The following TBL3 variants were observed in gnomAD, a reference collection of about 807,000 sequenced individuals.
TBL3 encodes the protein transducin beta like 3.
TBL3 carries 71 observed loss-of-function variants against 102.7 expected under a neutral mutation model. The ratio of observed to expected loss-of-function variants is 0.69; its 90% CI spans 0.57 to 0.84. The LOEUF (loss-of-function observed/expected upper bound fraction) is 0.84, where lower values mean the gene tolerates loss of function less well. TBL3 is among the 40% of genes least tolerant of loss of function. TBL3 has a pLI of 0.00. For synonymous variants in TBL3, 578 were observed against 477.7 expected (o/e 1.21, Z -2.74); for missense variants, 1,188 against 1,098.5 (o/e 1.08, Z -1.15).
chr16:1,975,921 A>C lies in TBL3; in HGVS notation c.1101A>C (p.Ser367=). The change falls in exon 11 of 22, where the codon TCA becomes TCC. Residue 367 remains serine, a synonymous_variant. Transcript: ENST00000568546. ...TAAAAGTGTTTGAGCTGCAGACGTC[A>C]GCCTGCCAGATCCTCCACGGCCACA... is the stretch of plus-strand genomic sequence containing the variant. ...PCLKVFELQT[S]ACQILHGHTD... 6.2e-7 allele frequency: 1 copy of C among 1,614,110 alleles called. No homozygotes were observed. The highest frequency in any genetic ancestry group is 8.5e-7 in the Non-Finnish European group (1 of 1,180,014).
At position 1,974,036 on chromosome 16, in the gene TBL3, G is replaced by T; in HGVS notation, c.42-20G>T. The T allele has an allele frequency of 1.3e-6, 2 of 1,533,016 alleles. No individual in the cohort carries two copies. Among genetic ancestry groups the T allele is most frequent in the Admixed American group, 1.9e-5 (1 of 51,478 alleles). The allele number at this position is 1,533,016 out of a possible 1,614,324, so 95.0% of individuals were successfully genotyped here. A position where few individuals can be genotyped will look rare whatever the true frequency, so the allele number is the denominator to read the frequency against. ...CTGAGGGGGTGGGTGGTGCTCATTC[G>T]CCTCCCGCTCTCCTTCCAGCTATGC... On this transcript the variant is annotated intron_variant, in intron 1 of 21. Transcript: ENST00000568546.
Position 1,972,268 on chromosome 16 carries a change from G to A in TBL3, c.41+63G>A, listed in dbSNP as rs2083366318. 4 of 1,295,638 alleles carry A rather than the reference G, an allele frequency of 3.1e-6. No individual in the cohort carries two copies. In the East Asian group the frequency reaches 1.3e-4, roughly 41 times the overall value. 80.3% of individuals were successfully genotyped at this position (1,295,638 alleles called of 1,614,324 possible). On this transcript the variant is annotated intron_variant, in intron 1 of 21. Coordinates refer to ENST00000568546, the MANE Select transcript of TBL3 (RefSeq NM_006453.3). The stretch of plus-strand genomic sequence containing the variant: ...TGGGTTTGCAGCCGGCATAGCGGAG[G>A]CGCGCGTGGGGTGGGCACGCATTGG...
intron 12 of TBL3, 28 bp downstream of exon 12, chr16:1,976,142 G>A: frequency 6.2e-7 from 1 of 1,614,038 alleles, no homozygotes; most frequent in Non-Finnish European, 8.5e-7. Flanking sequence ...GTAGGGGCAG[G>A]GGCACCAGGC....
At position 1,980,304 on chromosome 16, in the gene TBL3, A is replaced by C; in HGVS notation, c.*1619A>C. ...CCCTATTCGCTGGCTGTTCCCCCCC[A>C]CCCTGGACCTCTCCCAGCTCCAAAC... On this transcript the variant is annotated 3_prime_UTR_variant, in exon 22 of 22. Coordinates refer to ENST00000568546, the MANE Select transcript of TBL3 (RefSeq NM_006453.3). 1.9e-6 allele frequency: 3 copies of C among 1,545,984 alleles called. No individual in the cohort carries two copies. The highest frequency in any genetic ancestry group is 2.6e-6 in the Non-Finnish European group (3 of 1,149,136).
chr16:1,979,918 C>T lies in TBL3; in HGVS notation c.*1233C>T, dbSNP rs1041878446. On this transcript the variant is annotated 3_prime_UTR_variant, in exon 22 of 22. Coordinates refer to ENST00000568546, the MANE Select transcript of TBL3 (RefSeq NM_006453.3). ...CAGCCACCAGCCTGTGCGCAAGAAG[C>T]GGGCAGGGACTCAAATCTCGAGGCT... is the stretch of plus-strand genomic sequence containing the variant. The T allele has an allele frequency of 1.3e-6, 2 of 1,576,804 alleles. No homozygotes were observed. The highest frequency in any genetic ancestry group is 1.7e-6 in the Non-Finnish European group (2 of 1,161,750).
chr16:1,976,955 T>C lies in TBL3; in HGVS notation c.1434T>C (p.His478=). 6.2e-7 allele frequency: 1 copy of C among 1,613,844 alleles called. No homozygotes were observed. Among genetic ancestry groups the C allele is most frequent in the Non-Finnish European group, 8.5e-7 (1 of 1,180,002 alleles). Residue 478 remains histidine, a synonymous_variant, in exon 14 of 22, where the codon CAT becomes CAC. Coordinates refer to ENST00000568546, the MANE Select transcript of TBL3 (RefSeq NM_006453.3). ...AGGCCCAGACCACTCAGCGCTGCCA[T>C]GATAAGGTGACTCCATAGCCACTGG... ...LLQAQTTQRC[H]DKDINSVAIA... is the part of the protein sequence containing the mutation.
chr16:1,978,920 T>A lies in TBL3; in HGVS notation c.*235T>A. The A allele has an allele frequency of 8.9e-7, 1 of 1,120,562 alleles. No homozygotes were observed. Among genetic ancestry groups the A allele is most frequent in the Non-Finnish European group, 1.3e-6 (1 of 796,340 alleles). The allele number at this position is 1,120,562 out of a possible 1,614,324, so 69.4% of individuals were successfully genotyped here. ...CCGCACGCTTAGACGGTGGGGGTCATGCAGAACAAGCTTTACTCAGAGGAA... is the reference window on the plus strand; with the variant it reads ...CCGCACGCTTAGACGGTGGGGGTCAAGCAGAACAAGCTTTACTCAGAGGAA... On this transcript the variant is annotated 3_prime_UTR_variant, in exon 22 of 22. Coordinates refer to ENST00000568546, the MANE Select transcript of TBL3 (RefSeq NM_006453.3).
chr16:1,978,702 C>G lies in TBL3; in HGVS notation c.*17C>G, dbSNP rs1422929935. The G allele has an allele frequency of 6.2e-7, 1 of 1,601,258 alleles. No homozygotes were observed. Among genetic ancestry groups the G allele is most frequent in the Non-Finnish European group, 8.5e-7 (1 of 1,171,050 alleles). The stretch of plus-strand genomic sequence containing the variant: ...CTGCCCTAGCCGGTCCGGCCTCTCT[C>G]CAGTCCATCCTGAACCCCTGGAAAA... On this transcript the variant is annotated 3_prime_UTR_variant, in exon 22 of 22. Transcript: ENST00000568546.
chr16:1,981,973 C>G lies in TBL3; in HGVS notation c.*3288C>G, dbSNP rs1297438000. 1.3e-5 allele frequency: 2 copies of G among 152,120 alleles called. No individual in the cohort carries two copies. The highest frequency in any genetic ancestry group is 6.5e-5 in the Admixed American group (1 of 15,282). 9.4% of individuals were successfully genotyped at this position (152,120 alleles called of 1,614,324 possible). A position where few individuals can be genotyped will look rare whatever the true frequency, so the allele number is the denominator to read the frequency against. On this transcript the variant is annotated 3_prime_UTR_variant, in exon 22 of 22. Transcript: ENST00000568546. ...ACTAGGGCTGTTTTGAGAACCACCT[C>G]TCAATTCACGATTTGCCATGACTTA...
chr16:1,980,675 G>A lies in TBL3; in HGVS notation c.*1990G>A. 2 of 1,607,162 alleles carry A rather than the reference G, an allele frequency of 1.2e-6. No individual in the cohort carries two copies. The highest frequency in any genetic ancestry group is 1.7e-6 in the Non-Finnish European group (2 of 1,177,172). On this transcript the variant is annotated 3_prime_UTR_variant, in exon 22 of 22. Coordinates refer to ENST00000568546, the MANE Select transcript of TBL3 (RefSeq NM_006453.3). Reference sequence around the variant, plus strand: ...CCTGACCGAGAAGCTTTGGGAGAACGCGGTCAGATCTCCGCAGCAGGCCCG... The same window carrying A: ...CCTGACCGAGAAGCTTTGGGAGAACACGGTCAGATCTCCGCAGCAGGCCCG...
intron 4 of TBL3, 30 bp downstream of exon 4, chr16:1,974,453 G>C: frequency 6.3e-7 from 1 of 1,594,072 alleles, no homozygotes; most frequent in Non-Finnish European, 8.5e-7. Flanking sequence ...GAGGGGACCC[G>C]CTCCAGCGCC....
chr16:1,974,473 G>T (rs2083383320), intron 4 of TBL3, 50 bp downstream of exon 4: 1 of 1,589,334 alleles, frequency 6.3e-7, no homozygotes, highest in Non-Finnish European at 8.6e-7. Context: ...CTCCCTCCCA[G>T]ACTGAGTCCA....
chr16:1,979,687 C>G lies in TBL3; in HGVS notation c.*1002C>G. 1 of 1,192,560 alleles carries G rather than the reference C, an allele frequency of 8.4e-7. No homozygotes were observed. The highest frequency in any genetic ancestry group is 1.2e-6 in the Non-Finnish European group (1 of 860,692). 73.9% of individuals were successfully genotyped at this position (1,192,560 alleles called of 1,614,324 possible). On this transcript the variant is annotated 3_prime_UTR_variant, in exon 22 of 22. Transcript: ENST00000568546. ...CGGGGCTTCCTCTAGGTGCGGAGAC[C>G]AAGCACGGGCTCCTGGCCCGCCCTG...
Position 1,979,291 on chromosome 16 carries a change from C to G in TBL3, c.*606C>G, listed in dbSNP as rs761905522. The stretch of plus-strand genomic sequence containing the variant: ...CGGAACCCCGTCCCGCTCAGGAGAG[C>G]GCCCAGCCCTTCCGGCCGCAGCAGC... On this transcript the variant is annotated 3_prime_UTR_variant, in exon 22 of 22. Coordinates refer to ENST00000568546, the MANE Select transcript of TBL3 (RefSeq NM_006453.3). 1 of 1,560,744 alleles carries G rather than the reference C, an allele frequency of 6.4e-7. No individual in the cohort carries two copies.
rs574487347 is a variant in TBL3, at chr16:1,977,614, C to A, written c.1843C>A (p.Arg615=). 3.9e-6 allele frequency: 6 copies of A among 1,558,304 alleles called. No individual in the cohort carries two copies. The African/African-American group carries it at 6.8e-5, about 18-fold the overall frequency. ...EDKVWGLHCS[R]LDDHALTGAS... Reference sequence around the variant, plus strand: ...CAAGGTCTGGGGGCTGCACTGCAGCCGGCTGGACGACCACGCCCTCACTGG... The same window carrying A: ...CAAGGTCTGGGGGCTGCACTGCAGCAGGCTGGACGACCACGCCCTCACTGG... The change falls in exon 17 of 22, where the codon CGG becomes AGG. Residue 615 remains arginine (R), a synonymous_variant. Transcript: ENST00000568546.
Position 1,975,202 on chromosome 16 carries a change from G to A in TBL3, c.651G>A (p.Lys217=). The A allele has an allele frequency of 6.2e-7, 1 of 1,613,918 alleles. No individual in the cohort carries two copies. The highest frequency in any genetic ancestry group is 8.5e-7 in the Non-Finnish European group (1 of 1,180,026). ...GCTCCTTCAGCTCCGGCCGTGACAA[G>A]ATATGTATCATCTGGGACCTTCAGA... ...GHTMLSSGRD[K]ICIIWDLQSC... is the part of the protein sequence containing the mutation. The change falls in exon 8 of 22, where the codon AAG becomes AAA. Residue 217 remains lysine, a synonymous_variant. Coordinates refer to ENST00000568546, the MANE Select transcript of TBL3 (RefSeq NM_006453.3).
chr16:1,979,888 TCCACCAG>T lies in TBL3; in HGVS notation c.*1213_*1219del. 1 of 1,583,190 alleles carries T rather than the reference TCCACCAG, an allele frequency of 6.3e-7. No individual in the cohort carries two copies. Among genetic ancestry groups the T allele is most frequent in the Non-Finnish European group, 8.6e-7 (1 of 1,165,790 alleles). On this transcript the variant is annotated 3_prime_UTR_variant, in exon 22 of 22. Transcript: ENST00000568546. ...CCAGGCGGTCTGCCGGTCTTCGTTC[TCCACCAG>T]CCACCAGCCTGTGCGCAAGAAGCGG...
Position 1,980,531 on chromosome 16 carries a change from C to T in TBL3, c.*1846C>T. ...CGCGGCTCGTGCGCCCCACGCGTCC[C>T]AACAGTGGTGCATCTTAAGGCACCA... On this transcript the variant is annotated 3_prime_UTR_variant, in exon 22 of 22. Coordinates refer to ENST00000568546, the MANE Select transcript of TBL3 (RefSeq NM_006453.3). 1 of 1,603,838 alleles carries T rather than the reference C, an allele frequency of 6.2e-7. No individual in the cohort carries two copies. Among genetic ancestry groups the T allele is most frequent in the Non-Finnish European group, 8.5e-7 (1 of 1,178,442 alleles).
chr16:1,981,256 G>A lies in TBL3; in HGVS notation c.*2571G>A. On this transcript the variant is annotated 3_prime_UTR_variant, in exon 22 of 22. Transcript: ENST00000568546. The stretch of plus-strand genomic sequence containing the variant: ...CTCCCCGTGCTTGAGAGGGCTCTGG[G>A]GGACCCAGAAAACCCCCTGGGATAG... The A allele has an allele frequency of 1.3e-6, 2 of 1,592,642 alleles. No homozygotes were observed. Among genetic ancestry groups the A allele is most frequent in the Non-Finnish European group, 1.7e-6 (2 of 1,170,346 alleles).
Sources: allele counts gnomAD v4.1 joint callset, GRCh38; gene constraint gnomAD v4.1.1; transcripts MANE v1.5; gene names NCBI Gene and HGNC (gene_info 2026-07-23, HGNC 2026-07-21).